TTK: variants seen among roughly 807,000 people sequenced by gnomAD.
The protein encoded by TTK is TTK protein kinase, also known as dual specificity protein kinase TTK.
In TTK, 59 loss-of-function variants were observed where a neutral mutation model predicts 117.3. The ratio of observed to expected loss-of-function variants is 0.50; its 90% CI spans 0.41 to 0.62. The LOEUF (loss-of-function observed/expected upper bound fraction) is 0.62, where lower values mean the gene tolerates loss of function less well. Ranked by LOEUF, TTK falls within the 20% of genes least tolerant of loss-of-function variation. The pLI is 0.00. For missense variants in TTK, 921 were observed against 989.4 expected (o/e 0.93, Z 0.93); for synonymous variants, 302 against 325.0 (o/e 0.93, Z 0.76).
At chr6:80,030,120 A>G (rs891274552) in intron 13 of TTK, among the ~76,000 whole-genome samples, 11 of 152,200 alleles carry the variant, frequency 7.2e-5, no homozygotes, top group Admixed American at 5.2e-4. Flanking sequence ...AGGAGATTAC[A>G]TGAGAGATTC....
intron 10 of TTK, among the ~76,000 whole-genome samples, chr6:80,016,397 A>T (rs142383889): frequency 2.4e-3 from 371 of 152,232 alleles, no homozygotes; most frequent in Non-Finnish European, 4.1e-3. Context: ...AGGCATTCTG[A>T]TGCTATCTAG....
At chr6:80,025,166 C>T (rs921311863) in intron 11 of TTK, among the ~76,000 whole-genome samples, 17 of 152,184 alleles carry the variant, frequency 1.1e-4, no homozygotes, top group African/African-American at 3.9e-4. Flanking sequence ...GCTAACATTC[C>T]ACTCTATGAT....
intron 13 of TTK, among the ~76,000 whole-genome samples, chr6:80,030,231 T>C (rs1275518513): frequency 6.6e-6 from 1 of 152,212 alleles, no homozygotes; most frequent in African/African-American, 2.4e-5. Context: ...TTGTTTCACC[T>C]TCTTTATCAG....
At chr6:80,018,280 A>G (rs757370560) in intron 10 of TTK, among the ~76,000 whole-genome samples, 1 of 152,114 alleles carries the variant, frequency 6.6e-6, no homozygotes, top group Non-Finnish European at 1.5e-5. Flanking sequence ...ATAGTTTTCC[A>G]TGCATTTTTT....
chr6:80,039,953 T>C (rs1768003102), intron 19 of TTK, 81 bp downstream of exon 19: 1 of 1,170,892 alleles, frequency 8.5e-7, no homozygotes, highest in Non-Finnish European at 1.1e-6. Flanking sequence ...GGCTTAGATA[T>C]AACTGTTCTA....
intron 3 of TTK, 42 bp from the exon 4 acceptor site, chr6:80,008,344 A>G (rs375366489): frequency 5.1e-6 from 8 of 1,561,800 alleles, no homozygotes; most frequent in Admixed American, 1.8e-5. Flanking sequence ...TTAAGTAGCT[A>G]TGTTCTTTTT....
chr6:80,039,555 T>C (rs1213142432), intron 18 of TTK, 141 bp from the exon 19 acceptor site: 6 of 503,634 alleles, frequency 1.2e-5, no homozygotes, highest in African/African-American at 2.0e-5. Flanking sequence ...TAGAAAAAGA[T>C]GTTTTGTCAT....
chr6:80,005,496 A>G (rs1461953770), intron 1 of TTK, among the ~76,000 whole-genome samples: 1 of 152,268 alleles, frequency 6.6e-6, no homozygotes, highest in African/African-American at 2.4e-5. Flanking sequence ...TGTCACTACC[A>G]GAATCCAAGC....
At chr6:80,029,460 C>A (rs239583) in intron 13 of TTK, among the ~76,000 whole-genome samples, 97,911 of 152,088 alleles carry the variant, frequency 0.64, 31,896 homozygotes, top group Admixed American at 0.74. Flanking sequence ...AAAAATGATC[C>A]AGTTTGTTCA....
Position 80,036,572 on chromosome 6 carries a change from TACA to T in TTK, c.2027_2029del (p.Thr676del). On this transcript the variant is annotated inframe_deletion, in exon 17 of 22. Transcript: ENST00000369798. ...GGATTGCAAACCAAATGCAACCAGA[TACA>T]ACAAGTGTTGTTAAAGATTCTCAGG... The T allele has an allele frequency of 6.2e-7, 1 of 1,611,174 alleles. No individual in the cohort carries two copies. The highest frequency in any genetic ancestry group is 8.5e-7 in the Non-Finnish European group (1 of 1,178,638).
In TTK at chr6:80,016,420, C is replaced by T. The variant is rs547883446; in HGVS notation, c.1108+1834C>T. Among the ~76,000 whole-genome samples the T allele has an allele frequency of 1.2e-4, 18 of 152,188 alleles. No individual in the cohort carries two copies. In the South Asian group the frequency reaches 2.5e-3, roughly 21 times the overall value. On this transcript the variant is annotated intron_variant, in intron 10 of 21. Coordinates refer to ENST00000369798, the MANE Select transcript of TTK (RefSeq NM_003318.5). ...TGATGCTATCTAGTGGTATCTACCT[C>T]GTTGTGGTTTTAATTTGCATTTTGC...
Position 80,042,292 on chromosome 6 carries a change from C to A in TTK, c.*90C>A. ...CCCTGTGGAAATCTACATTTGAAGA[C>A]AACATCACTCTGAAGTGTTATCAGC... On this transcript the variant is annotated 3_prime_UTR_variant, in exon 22 of 22. Transcript: ENST00000369798. 1 of 1,038,290 alleles carries A rather than the reference C, an allele frequency of 9.6e-7. No homozygotes were observed. The allele number at this position is 1,038,290 out of a possible 1,614,324, so 64.3% of individuals were successfully genotyped here.
chr6:80,008,215 T>C (rs968677122), intron 3 of TTK, among the ~76,000 whole-genome samples, 171 bp from the exon 4 acceptor site: 1 of 152,172 alleles, frequency 6.6e-6, no homozygotes, highest in African/African-American at 2.4e-5. Flanking sequence ...CACAACAGTT[T>C]ACTTATTTTA....
At chr6:80,026,999 G>A (rs1462522202) in intron 12 of TTK, among the ~76,000 whole-genome samples, 1 of 152,090 alleles carries the variant, frequency 6.6e-6, no homozygotes, top group Non-Finnish European at 1.5e-5. Flanking sequence ...TAGGAATGAT[G>A]GATAAGTGAA....
chr6:80,019,658 C>A (rs1028491483), intron 10 of TTK, among the ~76,000 whole-genome samples: 2 of 152,150 alleles, frequency 1.3e-5, no homozygotes, highest in Non-Finnish European at 2.9e-5. Context: ...AAGTAAGAAT[C>A]TTAGAGTTAA....
chr6:80,028,379 G>A (rs151659), intron 13 of TTK, among the ~76,000 whole-genome samples: 7,227 of 151,490 alleles, frequency 0.048, 576 homozygotes, highest in African/African-American at 0.16. Flanking sequence ...GTGCAGTGGC[G>A]CGATCTCGGG....
intron 14 of TTK, among the ~76,000 whole-genome samples, chr6:80,034,313 A>C (rs1466654028): frequency 6.6e-6 from 1 of 152,142 alleles, no homozygotes; most frequent in African/African-American, 2.4e-5. Context: ...CAACTCTGAC[A>C]CTATCTCTAT....
chr6:80,027,578 C>T (rs550909003), intron 12 of TTK, among the ~76,000 whole-genome samples: 88 of 152,188 alleles, frequency 5.8e-4, no homozygotes, highest in Admixed American at 2.2e-3. Flanking sequence ...AATCTATGGC[C>T]GGCCACAAGC....
chr6:80,038,121 C>A, intron 18 of TTK, 74 bp downstream of exon 18: 1 of 1,056,620 alleles, frequency 9.5e-7, no homozygotes, highest in Non-Finnish European at 1.3e-6. Context: ...ATAAACTTAC[C>A]AGATAACAAT....
Sources: allele counts gnomAD v4.1 joint callset (sites outside exome capture counted in the v4.1 genomes callset), GRCh38; gene constraint gnomAD v4.1.1; transcripts MANE v1.5; gene names NCBI Gene and HGNC (gene_info 2026-07-23, HGNC 2026-07-21).